Variants in BLOC1S3 observed in about 807,000 individuals in gnomAD.
The protein encoded by BLOC1S3 is biogenesis of lysosome-related organelles complex 1 subunit 3.
A neutral mutation model predicts 9.1 loss-of-function variants in BLOC1S3; 7 were observed. That is an observed-to-expected ratio of 0.77 (90% CI 0.44 to 1.45). The LOEUF is 1.45. Among genes scored for constraint, BLOC1S3 ranks in the 40% most tolerant of loss-of-function variants. The pLI, the probability that BLOC1S3 is intolerant of heterozygous loss-of-function variation, is 0.01. For missense variants in BLOC1S3, 307 were observed against 315.2 expected, an observed-to-expected ratio of 0.97 and a Z score of 0.20; for synonymous variants, 145 against 158.4, an observed-to-expected ratio of 0.92 and a Z score of 0.64.
chr19:45,216,012 C>G, intron 3 of BLOC1S3: 4 of 1,597,518 alleles, frequency 2.5e-6, no homozygotes, highest in Non-Finnish European at 8.5e-7. Context: ...GGACGGATGC[C>G]AAGGCCGCCA....
downstream of BLOC1S3, among the ~76,000 whole-genome samples, chr19:45,186,152 G>A (rs1350740394): frequency 2.6e-5 from 4 of 152,150 alleles, no homozygotes; most frequent in East Asian, 7.7e-4. Context: ...TGAGTGGAGG[G>A]TGCATGGGAG....
At chr19:45,187,768 G>C (rs1969576216) in intron 2 of BLOC1S3, 1 of 152,080 alleles carries the variant, frequency 6.6e-6, no homozygotes, top group Non-Finnish European at 1.5e-5. Flanking sequence ...GTACCTGTGG[G>C]GGATTCCTTC....
At chr19:45,190,331 G>T (rs1969595053) in intron 2 of BLOC1S3, among the ~76,000 whole-genome samples, 1 of 150,362 alleles carries the variant, frequency 6.7e-6, no homozygotes, top group African/African-American at 2.4e-5. Flanking sequence ...GAATTTTGTT[G>T]AGTTTCCTCA....
At chr19:45,188,031 A>ATT (rs147597848) in intron 2 of BLOC1S3, among the ~76,000 whole-genome samples, 19,532 of 151,080 alleles carry the variant, frequency 0.13, 1,512 homozygotes, top group East Asian at 0.29. Flanking sequence ...CCAATTACAC[A>ATT]TTTTTTTTTG....
chr19:45,180,108 A>C lies in BLOC1S3; in HGVS notation c.*203A>C, dbSNP rs1599746658. 1.9e-6 allele frequency: 1 copy of C among 534,162 alleles called. No individual in the cohort carries two copies. 33.1% of individuals were successfully genotyped at this position (534,162 alleles called of 1,614,324 possible). On this transcript the variant is annotated 3_prime_UTR_variant, in exon 2 of 2. Coordinates refer to ENST00000433642, the MANE Select transcript of BLOC1S3 (RefSeq NM_212550.5). ...CTACTGCGGAGACCAGGGCCCCACT[A>C]TCCTTAGATCTGGTTCCTCTCCCGA... is the stretch of plus-strand genomic sequence containing the variant.
rs759752645 is a variant in BLOC1S3 at position 45,179,340 on chromosome 19, A to G, written c.44A>G (p.Glu15Gly). The G allele has an allele frequency of 6.3e-7, 1 of 1,586,648 alleles. No homozygotes were observed. Among genetic ancestry groups the G allele is most frequent in the South Asian group, 1.1e-5 (1 of 89,102 alleles). The change falls in exon 2 of 2, where the codon GAG becomes GGG. Residue 15 changes from glutamate (E) to glycine (G), a missense_variant. Coordinates refer to ENST00000433642, the MANE Select transcript of BLOC1S3 (RefSeq NM_212550.5). The surrounding 1 kb of genome is among the most constrained non-coding windows in gnomAD (Gnocchi z 4.6). ...GRRRRPLRRP[E>G]TVVPGEATET... is the part of the protein sequence containing the mutation. ...CGGCGGAGGCCCCTGCGGAGGCCGG[A>G]GACGGTGGTGCCGGGGGAGGCGACC...
intron 2 of BLOC1S3, among the ~76,000 whole-genome samples, chr19:45,189,112 T>C (rs897252491): frequency 6.6e-6 from 1 of 151,348 alleles, no homozygotes; most frequent in East Asian, 1.9e-4. Context: ...GCCCGGCTGT[T>C]CTTTCTAATT....
At chr19:45,204,937 T>G (rs1404807069) in intron 3 of BLOC1S3, among the ~76,000 whole-genome samples, 4 of 152,040 alleles carry the variant, frequency 2.6e-5, no homozygotes, top group Non-Finnish European at 5.9e-5. Context: ...TTTCTCCATG[T>G]TTGCTAGGCT....
intron 2 of BLOC1S3, among the ~76,000 whole-genome samples, chr19:45,196,913 TC>T (rs993578671): frequency 1.0e-5 from 1 of 99,056 alleles, no homozygotes; most frequent in African/African-American, 3.7e-5. Flanking sequence ...AAAAAAAAAA[TC>T]AATTTTAGGA....
chr19:45,200,023 T>C (rs1315350988), intron 2 of BLOC1S3, among the ~76,000 whole-genome samples: 1 of 151,192 alleles, frequency 6.6e-6, no homozygotes, highest in Non-Finnish European at 1.5e-5. Flanking sequence ...ACTTCAGCCT[T>C]TCAAAGTGCT....
intron 3 of BLOC1S3, among the ~76,000 whole-genome samples, chr19:45,207,606 G>A (rs985661755): frequency 1.4e-5 from 2 of 139,938 alleles, no homozygotes; most frequent in African/African-American, 2.7e-5. Flanking sequence ...GCGTGGTAGC[G>A]CACACCTATA....
chr19:45,209,096 T>C (rs1445660272), intron 3 of BLOC1S3, among the ~76,000 whole-genome samples: 1 of 152,068 alleles, frequency 6.6e-6, no homozygotes, highest in East Asian at 1.9e-4. Context: ...TTGCCCAGGC[T>C]GGAGTGCAAT....
intron 3 of BLOC1S3, among the ~76,000 whole-genome samples, chr19:45,211,491 A>C: frequency 6.6e-6 from 1 of 150,826 alleles, no homozygotes; most frequent in East Asian, 1.9e-4. Context: ...AGCCTGGGCG[A>C]CAGAATGAGA....
At chr19:45,207,240 T>C (rs1198218851) in intron 3 of BLOC1S3, among the ~76,000 whole-genome samples, 1 of 151,938 alleles carries the variant, frequency 6.6e-6, no homozygotes, top group Non-Finnish European at 1.5e-5. Flanking sequence ...TCAAGTGATT[T>C]TCCTGCCTCA....
At chr19:45,203,662 C>T (rs1349963991) in intron 3 of BLOC1S3, among the ~76,000 whole-genome samples, 2 of 152,122 alleles carry the variant, frequency 1.3e-5, no homozygotes, top group African/African-American at 4.8e-5. Flanking sequence ...GATGATTTCC[C>T]TCTGTCTAAT....
intron 2 of BLOC1S3, among the ~76,000 whole-genome samples, chr19:45,192,962 C>T (rs1041866620): frequency 8.6e-5 from 13 of 151,678 alleles, no homozygotes; most frequent in African/African-American, 2.7e-4. Context: ...GGTGAAACCC[C>T]GTGTCTACTA....
rs1568469865 is a variant in BLOC1S3, at chr19:45,179,591, G to GC, written c.299dup (p.Ala101GlyfsTer44). On this transcript the variant is annotated frameshift_variant, in exon 2 of 2. Coordinates refer to ENST00000433642, the MANE Select transcript of BLOC1S3 (RefSeq NM_212550.5). LOFTEE classifies it high-confidence loss of function. This position sits in a 1 kb window ranked among gnomAD's most constrained non-coding sequence, Gnocchi z 4.6. ...GGAGGAGGCCTGGGGCACGGAGGAG[G>GC]CCCCGGCGCCCGCCCCCGCGCGCTC... is the stretch of plus-strand genomic sequence containing the variant. 1.4e-6 allele frequency: 2 copies of GC among 1,480,300 alleles called. No homozygotes were observed. The highest frequency in any genetic ancestry group is 1.8e-6 in the Non-Finnish European group (2 of 1,122,196). 91.7% of individuals were successfully genotyped at this position (1,480,300 alleles called of 1,614,324 possible).
At chr19:45,186,559 G>A (rs574648569), downstream of BLOC1S3, among the ~76,000 whole-genome samples, 10 of 152,120 alleles carry the variant, frequency 6.6e-5, no homozygotes, top group African/African-American at 2.2e-4. Flanking sequence ...ACAAAAATTA[G>A]TCCAGTGTGG....
rs1374830347 is a variant in BLOC1S3 at position 45,215,964 on chromosome 19, G to T, written n.283-712G>T. ...CCAGCAGGAAACGGCCGTCAGACACGCTCACCGGCTCCCTCCCTCAGGAGG... is the reference window on the plus strand; with the variant it reads ...CCAGCAGGAAACGGCCGTCAGACACTCTCACCGGCTCCCTCCCTCAGGAGG... On this transcript the variant is annotated intron_variant and non_coding_transcript_variant, in intron 3 of 3. Coordinates refer to the BLOC1S3 transcript ENST00000591569. 6 of 1,476,410 alleles carry T rather than the reference G, an allele frequency of 4.1e-6. No homozygotes were observed. In the South Asian group the frequency reaches 6.5e-5, roughly 16 times the overall value. 91.5% of individuals were successfully genotyped at this position (1,476,410 alleles called of 1,614,324 possible). A position where few individuals can be genotyped will look rare whatever the true frequency, so the allele number is the denominator to read the frequency against.
Sources: allele counts gnomAD v4.1 joint callset (sites outside exome capture counted in the v4.1 genomes callset), GRCh38; gene constraint gnomAD v4.1.1; non-coding constraint Gnocchi (gnomAD v3.1); transcripts MANE v1.5; gene names NCBI Gene and HGNC (gene_info 2026-07-23, HGNC 2026-07-21).